CACNA1C: variants seen among roughly 807,000 people sequenced by gnomAD.
CACNA1C encodes the protein voltage-dependent L-type calcium channel subunit alpha-1C.
A neutral mutation model predicts 229.0 loss-of-function variants in CACNA1C; 30 were observed. The observed-to-expected ratio is 0.13, with a 90% confidence interval of 0.10 to 0.18. The LOEUF is 0.18. Ranked by LOEUF, CACNA1C falls within the 10% of genes least tolerant of loss-of-function variation. The probability of loss-of-function intolerance (pLI) is 1.00; values close to 1 mark genes in which losing one functional copy is unlikely to be tolerated. For synonymous variants in CACNA1C, 1,114 were observed against 1,132.5 expected (o/e 0.98, Z 0.33); for missense variants, 1,658 against 2,845.0 (o/e 0.58, Z 9.49).
intron 1 of CACNA1C, among the ~76,000 whole-genome samples, chr12:1,989,453 G>A (rs1335971173): frequency 1.3e-5 from 2 of 152,232 alleles, no homozygotes; most frequent in African/African-American, 2.4e-5. Context: ...GGTGGCTCAC[G>A]CCTATAATCC....
intron 30 of CACNA1C, among the ~76,000 whole-genome samples, chr12:2,636,897 G>A (rs1463857720): frequency 6.6e-6 from 1 of 152,206 alleles, no homozygotes; most frequent in East Asian, 1.9e-4. Flanking sequence ...TCCGGGCTGA[G>A]GCATTTGTGG....
intron 3 of CACNA1C, among the ~76,000 whole-genome samples, chr12:2,286,658 C>T (rs538434497): frequency 2.0e-5 from 3 of 152,154 alleles, no homozygotes; most frequent in East Asian, 3.9e-4. Context: ...GTGGAGGAGG[C>T]GCAGTCCCTC....
rs748198629 is a variant in CACNA1C at position 2,685,819 on chromosome 12, G to T, written c.5657G>T (p.Gly1886Val). The change falls in exon 44 of 47, where the codon GGT becomes GTT. Residue 1886 changes from glycine (G) to valine (V), a missense_variant. Physicochemically the swap from Gly to Val is moderately radical, Grantham distance 109. Coordinates refer to ENST00000399655, the MANE Select transcript of CACNA1C (RefSeq NM_000719.7). Reference protein sequence around the residue: ...KRDIRQSPKRGFLRSASLGRR... With the variant: ...KRDIRQSPKRVFLRSASLGRR... ...GACATCCGGCAATCTCCGAAGAGGG[G>T]TTTCCTCCGCTCTGCCTCACTAGGT... 3.7e-6 allele frequency: 6 copies of T among 1,613,306 alleles called. No individual in the cohort carries two copies. The highest frequency in any genetic ancestry group is 1.7e-4 in the Middle Eastern group (1 of 6,054).
At chr12:2,535,610 G>T (rs2099851989) in intron 9 of CACNA1C, among the ~76,000 whole-genome samples, 1 of 149,690 alleles carries the variant, frequency 6.7e-6, no homozygotes, top group East Asian at 2.0e-4. Context: ...GGAGGCTGAG[G>T]CAGGAGGGTC....
chr12:2,253,295 T>G (rs1310373686), intron 3 of CACNA1C, among the ~76,000 whole-genome samples: 2 of 152,212 alleles, frequency 1.3e-5, no homozygotes, highest in East Asian at 3.8e-4. Flanking sequence ...CTTCCTCCAT[T>G]TTATAATTTG....
intron 3 of CACNA1C, among the ~76,000 whole-genome samples, chr12:2,371,695 GAAGC>G (rs58994601): frequency 0.37 from 54,578 of 146,270 alleles, 10,484 homozygotes; most frequent in Non-Finnish European, 0.39. Context: ...TGGCACACAG[GAAGC>G]AAGCACATAC....
At chr12:2,478,540 G>A (rs772083826) in intron 5 of CACNA1C, among the ~76,000 whole-genome samples, 1 of 152,154 alleles carries the variant, frequency 6.6e-6, no homozygotes, top group Non-Finnish European at 1.5e-5. Flanking sequence ...CCTGTGTCAC[G>A]CTTCTAAGAC....
Position 2,083,363 on chromosome 12 carries a change from G to T in CACNA1C, c.49+29752G>T, listed in dbSNP as rs551338607. Among the ~76,000 whole-genome samples the T allele has an allele frequency of 2.0e-5, 3 of 152,308 alleles. No homozygotes were observed. In the South Asian group the frequency reaches 6.2e-4, roughly 32 times the overall value. ...ATCCCAGCATTGCCAGGCAGCCTGT[G>T]TTGTTGAGGACTGTGTCCTGTGTTT... On this transcript the variant is annotated intron_variant, in intron 1 of 46. Coordinates refer to ENST00000399655, the MANE Select transcript of CACNA1C (RefSeq NM_000719.7).
chr12:2,300,526 T>A (rs1027097367), intron 3 of CACNA1C, among the ~76,000 whole-genome samples: 8 of 152,006 alleles, frequency 5.3e-5, no homozygotes, highest in African/African-American at 1.9e-4. Flanking sequence ...CTTGGGAGGC[T>A]GAGGTGGGAG....
chr12:2,287,314 T>C lies in CACNA1C; in HGVS notation c.478-161662T>C, dbSNP rs190067022. Among the ~76,000 whole-genome samples the C allele has an allele frequency of 6.6e-6, 1 of 152,234 alleles. No individual in the cohort carries two copies. Among genetic ancestry groups the C allele is most frequent in the African/African-American group, 2.4e-5 (1 of 41,450 alleles). On this transcript the variant is annotated intron_variant, in intron 3 of 46. Transcript: ENST00000399655. The surrounding 1 kb of genome is among the most constrained non-coding windows in gnomAD (Gnocchi z 4.6). ...TCGTCTGGATTGTGATTGCGACCCG[T>C]GCCTCATGGAGTGTCGCTGGATACG...
intron 1 of CACNA1C, among the ~76,000 whole-genome samples, chr12:2,030,273 T>G (rs1268712100): frequency 6.6e-6 from 1 of 152,230 alleles, no homozygotes; most frequent in East Asian, 1.9e-4. Flanking sequence ...TTTTTAAGCT[T>G]GGATCCAATG....
rs945842226 is a variant in CACNA1C, at chr12:2,677,024, AAAAT to A, written c.4829-69_4829-66del. On this transcript the variant is annotated intron_variant, in intron 39 of 46. Coordinates refer to ENST00000399655, the MANE Select transcript of CACNA1C (RefSeq NM_000719.7). The surrounding 1 kb of genome is among the most constrained non-coding windows in gnomAD (Gnocchi z 7.4). ...TAAAAAGTTTTGGATGCTGAAAAAA[AAAAT>A]GAATGAAGTTCAACTGAATTCCCCT... The A allele has an allele frequency of 3.7e-5, 51 of 1,371,564 alleles. No homozygotes were observed. In the African/African-American group the frequency reaches 7.4e-4, roughly 20 times the overall value. The allele number at this position is 1,371,564 out of a possible 1,614,324, so 85.0% of individuals were successfully genotyped here. A position where few individuals can be genotyped will look rare whatever the true frequency, so the allele number is the denominator to read the frequency against.
intron 13 of CACNA1C, among the ~76,000 whole-genome samples, chr12:2,579,080 C>A (rs530219171): frequency 6.6e-6 from 1 of 152,208 alleles, no homozygotes; most frequent in South Asian, 2.1e-4. Flanking sequence ...TCTGGGGCCT[C>A]CCCCAGACTT....
chr12:2,534,177 G>A (rs1027184909), intron 9 of CACNA1C, among the ~76,000 whole-genome samples: 13 of 152,168 alleles, frequency 8.5e-5, no homozygotes, highest in African/African-American at 2.7e-4. Flanking sequence ...CCCAGCAAGC[G>A]CCCTGGATGC....
chr12:2,574,544 G>A (rs1600693819), intron 13 of CACNA1C, among the ~76,000 whole-genome samples: 1 of 152,186 alleles, frequency 6.6e-6, no homozygotes, highest in African/African-American at 2.4e-5. Flanking sequence ...CCTTGAAATG[G>A]GAGCTGGGGC....
intron 3 of CACNA1C, among the ~76,000 whole-genome samples, chr12:2,359,941 A>C (rs1006672187): frequency 6.6e-6 from 1 of 152,146 alleles, no homozygotes; most frequent in Non-Finnish European, 1.5e-5. Flanking sequence ...AGACGAGAGC[A>C]GCACTGGGAC....
At position 2,065,455 on chromosome 12, in the gene CACNA1C, T is replaced by A. The variant is rs562292277; in HGVS notation, c.49+11844T>A. ...GAATGGTTAGTCATTAACAAAAAGT[T>A]ATTGAGCGTCTGCTATCTGCAAGGC... On this transcript the variant is annotated intron_variant, in intron 1 of 46. Transcript: ENST00000399655. 2.0e-5 allele frequency among the ~76,000 whole-genome samples: 3 copies of A among 152,330 alleles called. No individual in the cohort carries two copies. The South Asian group carries it at 6.2e-4, about 32-fold the overall frequency.
chr12:2,536,388 T>C (rs2154586854), intron 9 of CACNA1C, among the ~76,000 whole-genome samples: 1 of 152,290 alleles, frequency 6.6e-6, no homozygotes, highest in South Asian at 2.1e-4. Context: ...GGTGGGCTCC[T>C]GGCCTCTCCG....
At chr12:2,521,711 T>A (rs2154580605) in intron 9 of CACNA1C, among the ~76,000 whole-genome samples, 1 of 152,286 alleles carries the variant, frequency 6.6e-6, no homozygotes, top group Middle Eastern at 3.4e-3. Flanking sequence ...TCCTCTTCGC[T>A]TCTTCGCTTG....
Sources: gnomAD v4.1 joint callset for allele counts (sites outside exome capture counted in the v4.1 genomes callset) on GRCh38, gnomAD v4.1.1 for gene constraint, Gnocchi (gnomAD v3.1) non-coding constraint, MANE v1.5 for transcripts, NCBI Gene and HGNC (gene_info 2026-07-23, HGNC 2026-07-21) for gene names.